IL1R1: variants seen among roughly 807,000 people sequenced by gnomAD.
IL1R1 encodes interleukin 1 receptor type 1, also known as interleukin-1 receptor type 1.
In IL1R1, 22 loss-of-function variants were observed where a neutral mutation model predicts 50.2. The observed-to-expected ratio is 0.44, with a 90% CI of 0.31 to 0.63. IL1R1 has a LOEUF of 0.63. Ranked by LOEUF, IL1R1 falls within the 20% of genes least tolerant of loss-of-function variation. IL1R1 has a pLI of 0.07. For missense variants in IL1R1, 509 were observed against 676.2 expected (o/e 0.75, Z 2.74); for synonymous variants, 251 against 236.7 (o/e 1.06, Z -0.55).
chr2:102,078,601 A>AC (rs1159929134), intron 1 of IL1R1, among the ~76,000 whole-genome samples: 1,664 of 133,432 alleles, frequency 0.012, 34 homozygotes, highest in African/African-American at 0.033. Flanking sequence ...CACACACACA[A>AC]GAAAAAAAAA....
At chr2:102,166,743 C>T (rs965404438) in intron 6 of IL1R1, among the ~76,000 whole-genome samples, 1 of 152,182 alleles carries the variant, frequency 6.6e-6, no homozygotes, top group Admixed American at 6.5e-5. Flanking sequence ...GTGTTAACCT[C>T]TCTAACCCTG....
chr2:102,100,885 T>C (rs1680112305), upstream of IL1R1, among the ~76,000 whole-genome samples: 1 of 152,150 alleles, frequency 6.6e-6, no homozygotes, highest in Non-Finnish European at 1.5e-5. Flanking sequence ...TACGAATTGT[T>C]CATGTATCAT....
chr2:102,083,225 C>T (rs1679291218), intron 1 of IL1R1, among the ~76,000 whole-genome samples: 2 of 152,200 alleles, frequency 1.3e-5, no homozygotes, highest in Non-Finnish European at 2.9e-5. Context: ...CTCATTTCCA[C>T]ACTTCAGAGG....
At chr2:102,146,842 G>T (rs899611759) in intron 1 of IL1R1, among the ~76,000 whole-genome samples, 1 of 152,108 alleles carries the variant, frequency 6.6e-6, no homozygotes, top group Admixed American at 6.6e-5. Context: ...GTCAAGCATC[G>T]ATGGCCTCCA....
chr2:102,132,587 A>C (rs997769238), intron 1 of IL1R1, among the ~76,000 whole-genome samples: 1 of 152,210 alleles, frequency 6.6e-6, no homozygotes, highest in African/African-American at 2.4e-5. Context: ...ATAAAGATCA[A>C]AGCAGAAAGC....
intron 6 of IL1R1, among the ~76,000 whole-genome samples, chr2:102,167,597 G>A (rs1253456763): frequency 2.0e-5 from 3 of 151,746 alleles, no homozygotes; most frequent in African/African-American, 2.4e-5. Flanking sequence ...ACAGGCGCCC[G>A]CCACCACGCC....
intron 1 of IL1R1, among the ~76,000 whole-genome samples, chr2:102,075,843 C>A (rs1559448794): frequency 6.6e-6 from 1 of 152,194 alleles, no homozygotes; most frequent in African/African-American, 2.4e-5. Flanking sequence ...ATGGGTGGCA[C>A]AATTGGCTTT....
chr2:102,118,663 A>T (rs1386416016), intron 1 of IL1R1, among the ~76,000 whole-genome samples: 1 of 152,208 alleles, frequency 6.6e-6, no homozygotes, highest in African/African-American at 2.4e-5. Context: ...CTGGTGTCAG[A>T]GTATTCCTTG....
chr2:102,094,950 G>C (rs1679835024), intron 1 of IL1R1, among the ~76,000 whole-genome samples: 1 of 152,204 alleles, frequency 6.6e-6, no homozygotes, highest in Non-Finnish European at 1.5e-5. Context: ...AGGGGCAAGA[G>C]TGACGAATTA....
intron 1 of IL1R1, among the ~76,000 whole-genome samples, chr2:102,112,078 CATG>C (rs1680797094): frequency 6.6e-6 from 1 of 151,826 alleles, no homozygotes; most frequent in Admixed American, 6.6e-5. Flanking sequence ...ACCCTGGTTC[CATG>C]ATGATGAGGC....
chr2:102,126,032 A>G (rs1308670349), intron 1 of IL1R1, among the ~76,000 whole-genome samples: 2 of 152,214 alleles, frequency 1.3e-5, no homozygotes, highest in African/African-American at 4.8e-5. Context: ...GAAGGTTTAG[A>G]TCAGTGGTTC....
intron 1 of IL1R1, among the ~76,000 whole-genome samples, chr2:102,084,165 A>G (rs1467624737): frequency 6.6e-6 from 1 of 152,206 alleles, no homozygotes; most frequent in Non-Finnish European, 1.5e-5. Context: ...GAGAAAGGCC[A>G]TACAAAAACC....
At chr2:102,128,001 A>G (rs1047291178) in intron 1 of IL1R1, among the ~76,000 whole-genome samples, 15 of 152,190 alleles carry the variant, frequency 9.9e-5, no homozygotes, top group Admixed American at 5.9e-4. Flanking sequence ...TTAGATTTCA[A>G]TTCTCGACAG....
chr2:102,089,396 G>T (rs1298443972), intron 1 of IL1R1, among the ~76,000 whole-genome samples: 2 of 152,124 alleles, frequency 1.3e-5, no homozygotes, highest in Non-Finnish European at 2.9e-5. Flanking sequence ...TTATGAGTGT[G>T]GTTTGTGTCA....
At chr2:102,117,739 G>A (rs781747112) in intron 1 of IL1R1, among the ~76,000 whole-genome samples, 1 of 152,088 alleles carries the variant, frequency 6.6e-6, no homozygotes, top group Non-Finnish European at 1.5e-5. Flanking sequence ...CGGTGTTTGC[G>A]TGTGAGGGAA....
chr2:102,109,745 C>T (rs767826140), intron 1 of IL1R1, among the ~76,000 whole-genome samples: 4 of 152,156 alleles, frequency 2.6e-5, no homozygotes, highest in Non-Finnish European at 5.9e-5. Flanking sequence ...AACCTAGACT[C>T]GATGGGCGTT....
At chr2:102,160,911 T>C (rs951254156) in intron 3 of IL1R1, among the ~76,000 whole-genome samples, 10 of 152,204 alleles carry the variant, frequency 6.6e-5, no homozygotes, top group African/African-American at 2.2e-4. Context: ...AATCTTTCAA[T>C]TGCATTAGTC....
At chr2:102,085,641 T>C (rs1470167021) in intron 1 of IL1R1, among the ~76,000 whole-genome samples, 1 of 152,012 alleles carries the variant, frequency 6.6e-6, no homozygotes, top group African/African-American at 2.4e-5. Flanking sequence ...AAATGCTATC[T>C]AGTAGGGTAA....
chr2:102,157,278 C>A (rs1684284999), intron 2 of IL1R1, among the ~76,000 whole-genome samples: 1 of 151,894 alleles, frequency 6.6e-6, no homozygotes, highest in South Asian at 2.1e-4. Context: ...TTTGAGCTGG[C>A]CAAAAGTATG....
Sources: allele counts gnomAD v4.1 joint callset (sites outside exome capture counted in the v4.1 genomes callset), GRCh38; gene constraint gnomAD v4.1.1; transcripts MANE v1.5; gene names NCBI Gene and HGNC (gene_info 2026-07-23, HGNC 2026-07-21).